The following COL28A1 variants were observed in gnomAD, a reference collection of about 807,000 sequenced individuals.
The protein encoded by COL28A1 is collagen type XXVIII alpha 1 chain.
Under a neutral mutation model 150.2 loss-of-function variants are expected in COL28A1, and 161 were observed. That is an observed-to-expected ratio of 1.07 (90% CI 0.94 to 1.22). COL28A1 has a LOEUF of 1.22. COL28A1 is among the 50% of genes most tolerant of loss of function. COL28A1 has a pLI of 0.00. For synonymous variants in COL28A1, 552 were observed against 469.7 expected (o/e 1.18, Z -2.26); for missense variants, 1,617 against 1,388.3 (o/e 1.16, Z -2.62).
intron 27 of COL28A1, among the ~76,000 whole-genome samples, chr7:7,404,360 G>A (rs1783383676): frequency 6.6e-6 from 1 of 151,974 alleles, no homozygotes; most frequent in Admixed American, 6.6e-5. Flanking sequence ...CATGCTGTTG[G>A]TCGAATCCCA....
At chr7:7,409,836 C>CAG (rs1783685781) in intron 27 of COL28A1, among the ~76,000 whole-genome samples, 1 of 152,078 alleles carries the variant, frequency 6.6e-6, no homozygotes, top group Non-Finnish European at 1.5e-5. Flanking sequence ...ACTGTCATCA[C>CAG]ACAGGGCCTT....
At chr7:7,385,659 C>A (rs1782140616) in intron 27 of COL28A1, among the ~76,000 whole-genome samples, 1 of 152,140 alleles carries the variant, frequency 6.6e-6, no homozygotes, top group African/African-American at 2.4e-5. Flanking sequence ...TAAGGGGAAG[C>A]ATGACACGTG....
At chr7:7,487,328 A>G (rs1779680745) in intron 13 of COL28A1, among the ~76,000 whole-genome samples, 1 of 152,142 alleles carries the variant, frequency 6.6e-6, no homozygotes, top group Non-Finnish European at 1.5e-5. Flanking sequence ...TTGTAATCCC[A>G]TTACTTTGGG....
chr7:7,499,228 G>A lies in COL28A1; in HGVS notation c.1026+6786C>T, dbSNP rs1041846331. Reference sequence around the variant, plus strand: ...ACTTTGACGTCTTTGAAGGAAAAACGTTCACATCGTTTGGCGGCTTGGCTA... The same window carrying A: ...ACTTTGACGTCTTTGAAGGAAAAACATTCACATCGTTTGGCGGCTTGGCTA... On this transcript the variant is annotated intron_variant, in intron 11 of 34. Transcript: ENST00000399429. Among the ~76,000 whole-genome samples the A allele has an allele frequency of 6.6e-5, 10 of 152,068 alleles. No homozygotes were observed. In the East Asian group the frequency reaches 9.6e-4, roughly 15 times the overall value.
chr7:7,363,268 C>T (rs1351053655), intron 33 of COL28A1, among the ~76,000 whole-genome samples: 1 of 152,168 alleles, frequency 6.6e-6, no homozygotes, highest in Admixed American at 6.5e-5. Flanking sequence ...AAATCTTTAC[C>T]TTGTTCAAGT....
intron 15 of COL28A1, among the ~76,000 whole-genome samples, chr7:7,471,395 A>T (rs981914263): frequency 2.0e-5 from 3 of 152,186 alleles, no homozygotes; most frequent in Non-Finnish European, 2.9e-5. Flanking sequence ...CTAATACCAA[A>T]ACCAGGAAAG....
the COL28A1 span, among the ~76,000 whole-genome samples, chr7:7,347,042 G>A: frequency 1.1e-4 from 17 of 152,148 alleles, no homozygotes; most frequent in African/African-American, 4.1e-4. Context: ...CATGAATTAA[G>A]AAACCTGACT....
At chr7:7,532,178 G>C (rs1004455353) in intron 2 of COL28A1, among the ~76,000 whole-genome samples, 1 of 152,120 alleles carries the variant, frequency 6.6e-6, no homozygotes, top group Non-Finnish European at 1.5e-5. Flanking sequence ...TGCTGAAAGT[G>C]GGAGGAAATG....
downstream of COL28A1, among the ~76,000 whole-genome samples, chr7:7,355,042 G>C (rs901307543): frequency 2.6e-5 from 4 of 152,108 alleles, no homozygotes; most frequent in African/African-American, 7.2e-5. Context: ...AGGAACAAAA[G>C]TGCCAGCCAC....
chr7:7,395,567 A>C (rs942665969), intron 27 of COL28A1, among the ~76,000 whole-genome samples: 1 of 152,154 alleles, frequency 6.6e-6, no homozygotes, highest in Non-Finnish European at 1.5e-5. Context: ...AATCAGAGAG[A>C]CCTGGTTACA....
intron 27 of COL28A1, among the ~76,000 whole-genome samples, chr7:7,401,020 GTGTGTACAGCTCT>G (rs943410128): frequency 1.4e-5 from 2 of 147,208 alleles, no homozygotes; most frequent in African/African-American, 5.1e-5. Context: ...GTGTGTGTGT[GTGTGTACAGCTCT>G]TGTGAAAGTC....
intron 13 of COL28A1, among the ~76,000 whole-genome samples, chr7:7,487,313 C>A (rs750468374): frequency 6.6e-6 from 1 of 152,128 alleles, no homozygotes; most frequent in African/African-American, 2.4e-5. Flanking sequence ...CACAGTGGCT[C>A]ACGCTTGTAA....
At chr7:7,380,423 C>T (rs567524592) in intron 30 of COL28A1, among the ~76,000 whole-genome samples, 127 of 152,158 alleles carry the variant, frequency 8.3e-4, no homozygotes, top group Non-Finnish European at 1.5e-3. Flanking sequence ...ACCAAGCATC[C>T]GAGTGGAGTA....
At chr7:7,353,791 A>T (rs1300579478), downstream of COL28A1, among the ~76,000 whole-genome samples, 2 of 152,118 alleles carry the variant, frequency 1.3e-5, no homozygotes, top group African/African-American at 4.8e-5. Context: ...TTGAACAAGA[A>T]ATGTAAGTAC....
chr7:7,419,147 T>C (rs1043350593), intron 26 of COL28A1, among the ~76,000 whole-genome samples: 3 of 152,208 alleles, frequency 2.0e-5, no homozygotes, highest in Non-Finnish European at 4.4e-5. Context: ...TCAAAGAAAG[T>C]TGTTGAGCAA....
intron 1 of COL28A1, 92 bp from the exon 2 acceptor site, chr7:7,533,004 T>C: frequency 1.6e-5 from 21 of 1,278,688 alleles, no homozygotes; most frequent in Admixed American, 9.7e-5. Flanking sequence ...AACTGGCATG[T>C]GACTGGAAAA....
rs569729352 is a variant in COL28A1, at chr7:7,441,546, C to T, written c.1651-685G>A. ...AACGAAAAAAAAAAAAAAAATTCCTCGTGGTCTGCAGCTGAGGCTATTTAA... is the reference window on the plus strand; with the variant it reads ...AACGAAAAAAAAAAAAAAAATTCCTTGTGGTCTGCAGCTGAGGCTATTTAA... On this transcript the variant is annotated intron_variant, in intron 20 of 34. Coordinates refer to ENST00000399429, the MANE Select transcript of COL28A1 (RefSeq NM_001037763.3). Among the ~76,000 whole-genome samples, 331 of 150,802 alleles carry T rather than the reference C, an allele frequency of 2.2e-3. 2 individuals are homozygous for T. Among genetic ancestry groups the T allele is most frequent in the African/African-American group, 7.7e-3 (315 of 41,176 alleles).
At chr7:7,464,324 T>C (rs1787880242) in intron 15 of COL28A1, among the ~76,000 whole-genome samples, 1 of 152,074 alleles carries the variant, frequency 6.6e-6, no homozygotes. Context: ...TAACAGATAC[T>C]TACAGAACAT....
intron 27 of COL28A1, among the ~76,000 whole-genome samples, chr7:7,382,398 G>A (rs1583256153): frequency 6.6e-6 from 1 of 152,140 alleles, no homozygotes. Context: ...CCAAGTTATT[G>A]TTTATGTAAT....
Sources: gnomAD v4.1 joint callset for allele counts (sites outside exome capture counted in the v4.1 genomes callset) on GRCh38, gnomAD v4.1.1 for gene constraint, MANE v1.5 for transcripts, NCBI Gene and HGNC (gene_info 2026-07-23, HGNC 2026-07-21) for gene names.